Variants in ZNF469 observed in about 807,000 individuals in gnomAD.
The protein encoded by ZNF469 is zinc finger protein 469.
Under a neutral mutation model 1.0 loss-of-function variants are expected in ZNF469, and 1 was observed. The observed-to-expected ratio is 1.00, with a 90% CI of 0.35 to 4.73. ZNF469 has a LOEUF of 4.73. Ranked by LOEUF, ZNF469 falls within the 30% of genes most tolerant of loss-of-function variation. The probability of loss-of-function intolerance (pLI) is 0.16; values close to 1 mark genes in which losing one functional copy is unlikely to be tolerated. For synonymous variants in ZNF469, 2,703 were observed against 2,363.4 expected, an observed-to-expected ratio of 1.14 and a Z score of -4.17; for missense variants, 6,100 against 5,356.3, an observed-to-expected ratio of 1.14 and a Z score of -4.33.
rs934380225 is a variant in ZNF469, at chr16:88,429,207, C to G, written c.1737C>G (p.Pro579=). The change falls in exon 3 of 3, where the codon CCC becomes CCG. Residue 579 remains proline, a synonymous_variant. Coordinates refer to ENST00000565624, the MANE Select transcript of ZNF469 (RefSeq NM_001367624.2). ...CACCCCACGGGACACCCAGCCTGCC[C>G]CCACCGAGGGTAGTGGGAGCCTCCC... ...QVSPHGTPSL[P]PPRVVGASPS... The G allele has an allele frequency of 6.5e-7, 1 of 1,549,856 alleles. No individual in the cohort carries two copies. The highest frequency in any genetic ancestry group is 1.4e-5 in the African/African-American group (1 of 73,126).
chr16:88,188,769 C>G, the ZNF469 span, among the ~76,000 whole-genome samples: 3 of 152,188 alleles, frequency 2.0e-5, no homozygotes, highest in African/African-American at 4.8e-5. Context: ...GACCCTCCCC[C>G]TGCCCAGATC....
chr16:88,329,937 C>T, the ZNF469 span, among the ~76,000 whole-genome samples: 22 of 152,332 alleles, frequency 1.4e-4, no homozygotes, highest in African/African-American at 5.3e-4. Context: ...ATCATCCAGG[C>T]ACCCAAAGGA....
the ZNF469 span, among the ~76,000 whole-genome samples, chr16:88,280,134 G>A: frequency 2.3e-4 from 34 of 150,894 alleles, no homozygotes; most frequent in East Asian, 1.4e-3. Flanking sequence ...GCTGACGCTC[G>A]GTCAGTACTG....
chr16:88,227,498 GTCTCCCCATCTCCCCATCTCCCCA>G, the ZNF469 span, among the ~76,000 whole-genome samples: 8 of 141,146 alleles, frequency 5.7e-5, no homozygotes, highest in African/African-American at 1.1e-4. Context: ...CTGTGTCCCC[GTCTCCCCATCTCCCCATCTCCCCA>G]TCTCCCCATC....
the ZNF469 span, chr16:88,194,581 C>T: frequency 4.6e-5 from 7 of 152,276 alleles, no homozygotes; most frequent in African/African-American, 1.7e-4. Context: ...CGTGGCCCTT[C>T]CCGGTCCTGG....
the ZNF469 span, among the ~76,000 whole-genome samples, chr16:88,205,044 C>T: frequency 2.0e-5 from 3 of 152,290 alleles, no homozygotes; most frequent in South Asian, 6.2e-4. This position sits in a 1 kb window ranked among gnomAD's most constrained non-coding sequence, Gnocchi z 4.2. Context: ...AGCCTGCGTC[C>T]ATCGCCATTG....
intron 1 of ZNF469, among the ~76,000 whole-genome samples, chr16:88,384,281 A>G (rs1401350283): frequency 2.0e-5 from 3 of 152,206 alleles, no homozygotes; most frequent in African/African-American, 4.8e-5. Flanking sequence ...TTCTGCCAAG[A>G]GCAAGTCTAG....
chr16:88,367,483 G>A, the ZNF469 span, among the ~76,000 whole-genome samples: 1 of 152,214 alleles, frequency 6.6e-6, no homozygotes, highest in African/African-American at 2.4e-5. Context: ...TTTTCCCAGG[G>A]CATGGGGCAC....
the ZNF469 span, among the ~76,000 whole-genome samples, chr16:88,299,537 T>C: frequency 6.6e-6 from 1 of 152,192 alleles, no homozygotes; most frequent in Non-Finnish European, 1.5e-5. Context: ...GGGCTCATCT[T>C]GAGGCATGGG....
chr16:88,160,856 T>C, the ZNF469 span, among the ~76,000 whole-genome samples: 1 of 152,114 alleles, frequency 6.6e-6, no homozygotes, highest in Non-Finnish European at 1.5e-5. Flanking sequence ...AAAAAGGGTT[T>C]TAAAGGCCAG....
the ZNF469 span, among the ~76,000 whole-genome samples, chr16:88,105,335 G>A: frequency 2.3e-5 from 3 of 133,012 alleles, no homozygotes; most frequent in Non-Finnish European, 3.1e-5. Flanking sequence ...ACAGAGTTTC[G>A]CTCTTGTTGC....
At chr16:88,228,147 A>G in the ZNF469 span, among the ~76,000 whole-genome samples, 2 of 152,080 alleles carry the variant, frequency 1.3e-5, no homozygotes, top group Admixed American at 6.5e-5. Flanking sequence ...AAATAAACCC[A>G]TCTTCTGAGG....
the ZNF469 span, among the ~76,000 whole-genome samples, chr16:88,372,145 C>T: frequency 2.9e-4 from 37 of 126,450 alleles, no homozygotes; most frequent in Non-Finnish European, 5.9e-4. Context: ...CACCATCATC[C>T]CCATCATCGT....
At chr16:88,257,649 T>C in the ZNF469 span, among the ~76,000 whole-genome samples, 1 of 152,220 alleles carries the variant, frequency 6.6e-6, no homozygotes, top group Non-Finnish European at 1.5e-5. Flanking sequence ...TTTTCATTTT[T>C]CATTTAGGCC....
chr16:88,277,600 T>C, the ZNF469 span, among the ~76,000 whole-genome samples: 1,887 of 140,294 alleles, frequency 0.013, 77 homozygotes, highest in African/African-American at 0.053. Flanking sequence ...TGCACCACGC[T>C]GATGCTCCGT....
intron 1 of ZNF469, among the ~76,000 whole-genome samples, chr16:88,384,940 T>C (rs942436667): frequency 2.0e-5 from 3 of 152,092 alleles, no homozygotes; most frequent in Non-Finnish European, 2.9e-5. Context: ...ATTCCTGCAG[T>C]CCTACCAGCT....
At chr16:88,243,373 G>C in the ZNF469 span, among the ~76,000 whole-genome samples, 1 of 152,294 alleles carries the variant, frequency 6.6e-6, no homozygotes, top group Non-Finnish European at 1.5e-5. Flanking sequence ...AGAGGGTTCT[G>C]GCCACAGTTG....
chr16:88,429,232 C>G lies in ZNF469; in HGVS notation c.1762C>G (p.Pro588Ala). 1 of 1,549,808 alleles carries G rather than the reference C, an allele frequency of 6.5e-7. No homozygotes were observed. Among genetic ancestry groups the G allele is most frequent in the South Asian group, 1.2e-5 (1 of 84,046 alleles). ...LPPPRVVGAS[P>A]SESPLPSPAT... ...CCCACCGAGGGTAGTGGGAGCCTCC[C>G]CCAGCGAGTCCCCACTGCCGTCACC... The change falls in exon 3 of 3, where the codon CCC becomes GCC. Residue 588 changes from proline (P) to alanine (A), a missense_variant. Physicochemically the swap from Pro to Ala is conservative, Grantham distance 27. Coordinates refer to ENST00000565624, the MANE Select transcript of ZNF469 (RefSeq NM_001367624.2).
chr16:88,247,178 ATGAG>A, the ZNF469 span, among the ~76,000 whole-genome samples: 3 of 151,856 alleles, frequency 2.0e-5, no homozygotes, highest in East Asian at 2.0e-4. Flanking sequence ...GACTGAGTGA[ATGAG>A]TGAGTGAATC....
Sources: gnomAD v4.1 joint callset for allele counts (sites outside exome capture counted in the v4.1 genomes callset) on GRCh38, gnomAD v4.1.1 for gene constraint, Gnocchi (gnomAD v3.1) non-coding constraint, MANE v1.5 for transcripts, NCBI Gene and HGNC (gene_info 2026-07-23, HGNC 2026-07-21) for gene names.